The following HORMAD2 variants were observed in gnomAD, a reference collection of about 807,000 sequenced individuals.
The protein encoded by HORMAD2 is HORMA domain containing 2.
In HORMAD2, 45 loss-of-function variants were observed where a neutral mutation model predicts 38.8. That is an observed-to-expected ratio of 1.16 (90% CI 0.91 to 1.49). HORMAD2 has a LOEUF of 1.49. HORMAD2 is among the 40% of genes most tolerant of loss of function. The pLI is 0.00. For missense variants in HORMAD2, 338 were observed against 367.0 expected (o/e 0.92, Z 0.65); for synonymous variants, 126 against 122.8 (o/e 1.03, Z -0.17).
At chr22:30,175,603 C>T (rs1010128641) in intron 10 of HORMAD2, among the ~76,000 whole-genome samples, 10 of 151,934 alleles carry the variant, frequency 6.6e-5, no homozygotes, top group African/African-American at 1.9e-4. Context: ...ACATACTCCT[C>T]AGTAGAAAGG....
chr22:30,106,811 T>A (rs1921234751), intron 5 of HORMAD2, among the ~76,000 whole-genome samples: 2 of 152,260 alleles, frequency 1.3e-5, no homozygotes, highest in Non-Finnish European at 2.9e-5. Context: ...TTAAGGATAT[T>A]TGATAATTAA....
intron 5 of HORMAD2, among the ~76,000 whole-genome samples, chr22:30,111,275 C>T (rs1921630140): frequency 6.6e-6 from 1 of 151,950 alleles, no homozygotes; most frequent in African/African-American, 2.4e-5. Flanking sequence ...CACTTGAGGT[C>T]AGGAGTTCAC....
At chr22:30,201,412 C>CTT in the HORMAD2 span, among the ~76,000 whole-genome samples, 63 of 121,038 alleles carry the variant, frequency 5.2e-4, no homozygotes, top group South Asian at 8.4e-4. Context: ...AGAGTTAAGA[C>CTT]TTTTTTTTTT....
chr22:30,134,640 A>G (rs539248613), intron 10 of HORMAD2, among the ~76,000 whole-genome samples: 2 of 151,516 alleles, frequency 1.3e-5, no homozygotes, highest in South Asian at 2.1e-4. Flanking sequence ...TGATGCTTAG[A>G]TTTGTTACAA....
chr22:30,086,999 G>A (rs903021747), intron 1 of HORMAD2, among the ~76,000 whole-genome samples: 2 of 151,936 alleles, frequency 1.3e-5, no homozygotes, highest in Non-Finnish European at 2.9e-5. Context: ...TCTCCATGTT[G>A]GTCAAGCATG....
At chr22:30,089,093 A>G (rs13053765) in intron 1 of HORMAD2, among the ~76,000 whole-genome samples, 22,359 of 152,118 alleles carry the variant, frequency 0.15, 3,466 homozygotes, top group African/African-American at 0.38. Flanking sequence ...ATTTAATATT[A>G]CCACCTATTT....
rs9625934 is a variant in HORMAD2 at position 30,159,911 on chromosome 22, C to T, written c.820-16152C>T. Among the ~76,000 whole-genome samples, 1,015 of 152,216 alleles carry T rather than the reference C, an allele frequency of 6.7e-3. 12 individuals are homozygous for T. Among genetic ancestry groups the T allele is most frequent in the African/African-American group, 0.023 (941 of 41,520 alleles). On this transcript the variant is annotated intron_variant, in intron 10 of 10. Coordinates refer to ENST00000336726, the MANE Select transcript of HORMAD2 (RefSeq NM_152510.4). ...ACTGAGCTTCAGCACACTGCTCTGG[C>T]ATTCTCCCAGCTCTAAGTTTTCATG...
intron 10 of HORMAD2, among the ~76,000 whole-genome samples, chr22:30,126,685 G>A (rs1478248022): frequency 6.6e-6 from 1 of 152,126 alleles, no homozygotes; most frequent in Admixed American, 6.6e-5. Flanking sequence ...ACACATTTCT[G>A]GTGGGAATAG....
chr22:30,192,866 G>T, the HORMAD2 span, among the ~76,000 whole-genome samples: 1 of 152,146 alleles, frequency 6.6e-6, no homozygotes, highest in Non-Finnish European at 1.5e-5. Context: ...GCAGGATAGA[G>T]GATGGTTTCC....
chr22:30,105,882 A>C (rs931562417), intron 5 of HORMAD2, among the ~76,000 whole-genome samples: 2 of 152,200 alleles, frequency 1.3e-5, no homozygotes, highest in Admixed American at 1.3e-4. Flanking sequence ...GAACACTCCA[A>C]AATCCAGTAA....
Position 30,174,697 on chromosome 22 carries a change from G to T in HORMAD2, c.820-1366G>T, listed in dbSNP as rs1926324927. Among the ~76,000 whole-genome samples, 4 of 152,150 alleles carry T rather than the reference G, an allele frequency of 2.6e-5. No individual in the cohort carries two copies. The South Asian group carries it at 8.3e-4, about 32-fold the overall frequency. Reference sequence around the variant, plus strand: ...TCATGTGTACCCAGATTTGATAGAAGTGAGGATAGTTTGGTTTGAATGGAA... The same window carrying T: ...TCATGTGTACCCAGATTTGATAGAATTGAGGATAGTTTGGTTTGAATGGAA... On this transcript the variant is annotated intron_variant, in intron 10 of 10. Transcript: ENST00000336726.
At chr22:30,135,945 T>C (rs1200746006) in intron 10 of HORMAD2, among the ~76,000 whole-genome samples, 3 of 152,210 alleles carry the variant, frequency 2.0e-5, no homozygotes, top group Non-Finnish European at 4.4e-5. Context: ...AACTGATCCA[T>C]AACCTGAGGG....
chr22:30,161,772 A>G (rs1427210348), intron 10 of HORMAD2, among the ~76,000 whole-genome samples: 2 of 152,164 alleles, frequency 1.3e-5, no homozygotes, highest in Non-Finnish European at 2.9e-5. Flanking sequence ...AAATAAAAAG[A>G]TTTTTACACT....
chr22:30,194,208 C>A, the HORMAD2 span, among the ~76,000 whole-genome samples: 1 of 152,170 alleles, frequency 6.6e-6, no homozygotes, highest in Non-Finnish European at 1.5e-5. Flanking sequence ...ACATTTAGAG[C>A]GTTGCATTTA....
chr22:30,179,373 A>C (rs1192796681), downstream of HORMAD2, among the ~76,000 whole-genome samples: 1 of 152,200 alleles, frequency 6.6e-6, no homozygotes, highest in East Asian at 1.9e-4. Flanking sequence ...AAAGGAAAAA[A>C]AGGTAATATT....
chr22:30,162,990 C>T (rs755143591), intron 10 of HORMAD2, among the ~76,000 whole-genome samples: 4 of 152,018 alleles, frequency 2.6e-5, no homozygotes, highest in Non-Finnish European at 4.4e-5. Context: ...GCGTGAGCCA[C>T]CACGCCTGGC....
At chr22:30,084,015 A>G (rs915620408) in intron 1 of HORMAD2, among the ~76,000 whole-genome samples, 1 of 152,170 alleles carries the variant, frequency 6.6e-6, no homozygotes, top group Non-Finnish European at 1.5e-5. Flanking sequence ...TGTGAGCCAG[A>G]CTTGTTGAGT....
the HORMAD2 span, among the ~76,000 whole-genome samples, chr22:30,206,448 G>A: frequency 1.2e-4 from 18 of 151,052 alleles, no homozygotes; most frequent in African/African-American, 2.9e-4. Flanking sequence ...ATGAGCCACC[G>A]CGCCTGGCCT....
chr22:30,165,372 T>G (rs1345462415), intron 10 of HORMAD2, among the ~76,000 whole-genome samples: 1 of 152,208 alleles, frequency 6.6e-6, no homozygotes, highest in Non-Finnish European at 1.5e-5. Context: ...TATTCAAGAT[T>G]GTTTTGGTCA....
Sources: allele counts gnomAD v4.1 joint callset (sites outside exome capture counted in the v4.1 genomes callset), GRCh38; gene constraint gnomAD v4.1.1; transcripts MANE v1.5; gene names NCBI Gene and HGNC (gene_info 2026-07-23, HGNC 2026-07-21).